RAPGEF4: variants seen among roughly 807,000 people sequenced by gnomAD.
RAPGEF4 encodes Rap guanine nucleotide exchange factor 4, also known as RAP guanine-nucleotide-exchange factor (GEF) 4.
In RAPGEF4, 66 loss-of-function variants were observed where a neutral mutation model predicts 147.9. The observed-to-expected ratio is 0.45, with a 90% CI of 0.37 to 0.55. RAPGEF4 has a LOEUF of 0.55. RAPGEF4 is among the 20% of genes least tolerant of loss of function. The pLI is 0.00. For synonymous variants in RAPGEF4, 419 were observed against 442.7 expected, an observed-to-expected ratio of 0.95 and a Z score of 0.67; for missense variants, 1,071 against 1,257.3, an observed-to-expected ratio of 0.85 and a Z score of 2.24.
At chr2:172,839,922 T>C (rs1559069299) in intron 4 of RAPGEF4, among the ~76,000 whole-genome samples, 1 of 152,138 alleles carries the variant, frequency 6.6e-6, no homozygotes, top group Admixed American at 6.5e-5. Context: ...AGGCAGAGTA[T>C]CAATATAAAA....
At chr2:173,030,629 T>G (rs1697105013) in intron 26 of RAPGEF4, among the ~76,000 whole-genome samples, 1 of 152,244 alleles carries the variant, frequency 6.6e-6, no homozygotes, top group African/African-American at 2.4e-5. Context: ...GCCATAAATC[T>G]TATCTTTAAT....
chr2:172,950,528 G>A (rs1688112289), intron 6 of RAPGEF4, among the ~76,000 whole-genome samples: 1 of 152,092 alleles, frequency 6.6e-6, no homozygotes, highest in Admixed American at 6.5e-5. Context: ...TAAGGATTAT[G>A]TTGTGTTTTT....
At chr2:173,011,170 G>GCGCACACACACACACACA (rs564434178) in intron 17 of RAPGEF4, among the ~76,000 whole-genome samples, 26 of 133,562 alleles carry the variant, frequency 1.9e-4, no homozygotes, top group African/African-American at 4.9e-4. Flanking sequence ...GCGCGCGCGC[G>GCGCACACACACACACACA]CACACACACA....
intron 4 of RAPGEF4, among the ~76,000 whole-genome samples, chr2:172,901,447 T>C (rs1699049163): frequency 6.6e-6 from 1 of 152,268 alleles, no homozygotes; most frequent in South Asian, 2.1e-4. Flanking sequence ...TGATTTTAAA[T>C]GGCTTCTTTC....
At chr2:173,046,218 A>G (rs1256750413) in intron 29 of RAPGEF4, among the ~76,000 whole-genome samples, 1 of 152,252 alleles carries the variant, frequency 6.6e-6, no homozygotes, top group Non-Finnish European at 1.5e-5. Context: ...GTTAAAATTA[A>G]TCAAAGATTT....
At chr2:172,930,836 T>C (rs926487033) in intron 6 of RAPGEF4, among the ~76,000 whole-genome samples, 32 of 152,232 alleles carry the variant, frequency 2.1e-4, no homozygotes, top group African/African-American at 7.7e-4. Context: ...TAAAAGAAAC[T>C]TGGGAAAACA....
intron 4 of RAPGEF4, among the ~76,000 whole-genome samples, chr2:172,828,788 A>G (rs1689969235): frequency 1.3e-5 from 2 of 152,072 alleles, no homozygotes; most frequent in African/African-American, 4.8e-5. Flanking sequence ...CTTCAAGACA[A>G]CGCCTCCCAG....
chr2:172,931,233 G>GACAAC (rs1315313704), intron 6 of RAPGEF4, among the ~76,000 whole-genome samples: 1 of 137,704 alleles, frequency 7.3e-6, no homozygotes, highest in Non-Finnish European at 1.5e-5. Flanking sequence ...TCCAAAACTC[G>GACAAC]ACAACGATCT....
At chr2:173,049,308 A>G (rs567141232) in intron 30 of RAPGEF4, among the ~76,000 whole-genome samples, 3 of 152,350 alleles carry the variant, frequency 2.0e-5, no homozygotes, top group African/African-American at 7.2e-5. Context: ...CCAGATGGTC[A>G]TACTAGACCA....
intron 10 of RAPGEF4, among the ~76,000 whole-genome samples, chr2:172,977,265 T>G (rs1255793328): frequency 6.6e-6 from 1 of 152,194 alleles, no homozygotes; most frequent in African/African-American, 2.4e-5. Flanking sequence ...GGGGCTGATT[T>G]ACAGGATCTC....
At chr2:172,925,924 AAAG>A (rs1421498111) in intron 6 of RAPGEF4, among the ~76,000 whole-genome samples, 2 of 140,968 alleles carry the variant, frequency 1.4e-5, no homozygotes, top group African/African-American at 2.6e-5. Context: ...AAAGAGTAAA[AAAG>A]AAAGAGGAGG....
rs568802613 is a variant in RAPGEF4, at chr2:172,887,236, G to A, written c.445-30566G>A. Among the ~76,000 whole-genome samples, 11 of 151,866 alleles carry A rather than the reference G, an allele frequency of 7.2e-5. No homozygotes were observed. The East Asian group carries it at 1.5e-3, about 21-fold the overall frequency. On this transcript the variant is annotated intron_variant, in intron 4 of 30. Transcript: ENST00000397081. Reference sequence around the variant, plus strand: ...AAAAAGAAAAAAAAAGAAAAATCAGGGTATAGTGAAGTAAAGAAAGATAAT... The same window carrying A: ...AAAAAGAAAAAAAAAGAAAAATCAGAGTATAGTGAAGTAAAGAAAGATAAT...
At chr2:172,936,863 T>C (rs1686628220) in intron 6 of RAPGEF4, among the ~76,000 whole-genome samples, 1 of 151,778 alleles carries the variant, frequency 6.6e-6, no homozygotes, top group Non-Finnish European at 1.5e-5. Flanking sequence ...TATAAGAGTA[T>C]TTTCTTAATG....
At chr2:173,045,047 A>G (rs535402082) in intron 29 of RAPGEF4, among the ~76,000 whole-genome samples, 6 of 152,330 alleles carry the variant, frequency 3.9e-5, no homozygotes, top group East Asian at 1.9e-4. Context: ...AATGAACCCT[A>G]TATCTCTTTA....
At chr2:173,021,545 G>A (rs1010944229) in intron 23 of RAPGEF4, among the ~76,000 whole-genome samples, 2 of 152,112 alleles carry the variant, frequency 1.3e-5, no homozygotes, top group Non-Finnish European at 2.9e-5. Flanking sequence ...CCAAGATGGC[G>A]CCACTGCACT....
chr2:172,880,781 A>G (rs887865628), intron 4 of RAPGEF4, among the ~76,000 whole-genome samples: 4 of 152,208 alleles, frequency 2.6e-5, no homozygotes, highest in Non-Finnish European at 5.9e-5. Context: ...TGGAGATACC[A>G]AAGTCAATCT....
intron 26 of RAPGEF4, among the ~76,000 whole-genome samples, chr2:173,033,233 A>G (rs1037662927): frequency 8.5e-5 from 13 of 152,190 alleles, no homozygotes; most frequent in African/African-American, 2.7e-4. Context: ...AGCATGGCGC[A>G]TGTGAGAGAC....
intron 1 of RAPGEF4, among the ~76,000 whole-genome samples, chr2:172,767,201 G>T (rs1019815323): frequency 4.8e-5 from 7 of 146,178 alleles, no homozygotes; most frequent in African/African-American, 1.8e-4. Context: ...TTTTTGAGAC[G>T]GAGTTTTGCT....
chr2:173,027,351 A>T, intron 25 of RAPGEF4, 92 bp downstream of exon 25: 1 of 1,078,082 alleles, frequency 9.3e-7, no homozygotes, highest in East Asian at 2.6e-5. Flanking sequence ...GAAAAGCAGG[A>T]TCTAGGAACT....
Sources: allele counts gnomAD v4.1 joint callset (sites outside exome capture counted in the v4.1 genomes callset), GRCh38; gene constraint gnomAD v4.1.1; transcripts MANE v1.5; gene names NCBI Gene and HGNC (gene_info 2026-07-23, HGNC 2026-07-21).